Variants in MELK observed in about 807,000 individuals in gnomAD.
The protein encoded by MELK is pEg3 kinase.
A neutral mutation model predicts 85.0 loss-of-function variants in MELK; 81 were observed. The observed-to-expected ratio is 0.95, with a 90% CI of 0.80 to 1.15. The LOEUF is 1.15. Among genes scored for constraint, MELK ranks in the 50% most tolerant of loss-of-function variants. The probability of loss-of-function intolerance (pLI) is 0.00; values close to 1 mark genes in which losing one functional copy is unlikely to be tolerated. For synonymous variants in MELK, 252 were observed against 265.0 expected (o/e 0.95, Z 0.48); for missense variants, 754 against 777.5 (o/e 0.97, Z 0.36).
chr9:36,659,537 G>A (rs932574143), intron 13 of MELK, among the ~76,000 whole-genome samples: 7 of 152,196 alleles, frequency 4.6e-5, no homozygotes, highest in African/African-American at 1.7e-4. Context: ...GGTGGTCCAT[G>A]AGATTATAAT....
intron 8 of MELK, among the ~76,000 whole-genome samples, chr9:36,611,753 T>TATC (rs1407362003): frequency 5.0e-5 from 4 of 80,422 alleles, no homozygotes; most frequent in African/African-American, 4.9e-4. Flanking sequence ...TAAATGTAGC[T>TATC]ATTATTATTA....
At chr9:36,595,478 C>T (rs1014787477) in intron 5 of MELK, among the ~76,000 whole-genome samples, 8 of 152,030 alleles carry the variant, frequency 5.3e-5, no homozygotes, top group Admixed American at 1.3e-4. Flanking sequence ...GCTATTCTTT[C>T]GCCCTGGCCT....
intron 10 of MELK, among the ~76,000 whole-genome samples, chr9:36,636,361 G>C (rs1345320625): frequency 6.6e-6 from 1 of 151,994 alleles, no homozygotes; most frequent in Admixed American, 6.6e-5. Flanking sequence ...AATCAGCTGG[G>C]CGTGGTGGTG....
At chr9:36,654,027 A>G (rs1240369623) in intron 12 of MELK, among the ~76,000 whole-genome samples, 1 of 99,228 alleles carries the variant, frequency 1.0e-5, no homozygotes, top group Non-Finnish European at 2.2e-5. Flanking sequence ...GATATCCTGC[A>G]TGGTTTTCTA....
chr9:36,616,034 C>G (rs888929054), intron 8 of MELK, among the ~76,000 whole-genome samples: 3 of 152,120 alleles, frequency 2.0e-5, no homozygotes, highest in African/African-American at 7.2e-5. Context: ...CCCCGCGGGG[C>G]CCGTCCGCTC....
chr9:36,676,038 TG>T (rs917200699), intron 17 of MELK, among the ~76,000 whole-genome samples: 1 of 152,186 alleles, frequency 6.6e-6, no homozygotes, highest in African/African-American at 2.4e-5. Flanking sequence ...TATGAGCCTC[TG>T]GGCATACCTC....
intron 8 of MELK, among the ~76,000 whole-genome samples, chr9:36,625,895 CA>C (rs59221247): frequency 4.6e-4 from 64 of 138,266 alleles, no homozygotes; most frequent in South Asian, 4.6e-3. Context: ...GACTTCATCT[CA>C]AAAAAAAAAA....
chr9:36,619,566 A>G (rs1477209418), intron 8 of MELK, among the ~76,000 whole-genome samples: 2 of 152,210 alleles, frequency 1.3e-5, no homozygotes, highest in African/African-American at 4.8e-5. Flanking sequence ...AAAAGTCTCA[A>G]TAAAGATGTA....
intron 11 of MELK, among the ~76,000 whole-genome samples, chr9:36,646,720 T>A (rs950456480): frequency 2.0e-5 from 3 of 152,164 alleles, no homozygotes; most frequent in Admixed American, 2.0e-4. Flanking sequence ...ACCCCTGTGA[T>A]GTAAACACCC....
chr9:36,667,808 C>T (rs751357903), intron 14 of MELK, among the ~76,000 whole-genome samples: 2 of 152,064 alleles, frequency 1.3e-5, no homozygotes, highest in Admixed American at 6.6e-5. Flanking sequence ...ACTCTTGTTG[C>T]CCAGGCTGGA....
chr9:36,664,612 A>G (rs191809483), intron 13 of MELK, among the ~76,000 whole-genome samples: 13 of 152,352 alleles, frequency 8.5e-5, no homozygotes, highest in African/African-American at 2.4e-4. Context: ...CTCCCTCAGA[A>G]CCAAGACCAA....
At chr9:36,661,233 A>G (rs2137656680) in intron 13 of MELK, among the ~76,000 whole-genome samples, 1 of 152,288 alleles carries the variant, frequency 6.6e-6, no homozygotes, top group Non-Finnish European at 1.5e-5. Context: ...GCAAATTCAA[A>G]CACCTCAAAC....
intron 14 of MELK, among the ~76,000 whole-genome samples, chr9:36,667,458 G>A: frequency 6.6e-6 from 1 of 152,100 alleles, no homozygotes. Context: ...GCCCGGCCCA[G>A]GGCTTTTTTA....
chr9:36,635,667 C>G (rs1015129746), intron 10 of MELK, among the ~76,000 whole-genome samples: 1 of 152,086 alleles, frequency 6.6e-6, no homozygotes, highest in African/African-American at 2.4e-5. Context: ...TGGAGACTCT[C>G]AGGCATCTGC....
chr9:36,596,590 G>GT lies in MELK; in HGVS notation c.406-619dup, dbSNP rs34969370. Among the ~76,000 whole-genome samples, 122 of 91,280 alleles carry GT rather than the reference G, an allele frequency of 1.3e-3. 3 individuals are homozygous for GT. Among genetic ancestry groups the GT allele is most frequent in the East Asian group, 7.1e-3 (25 of 3,512 alleles). The allele number at this position is 91,280 out of a possible 152,430, so 59.9% of individuals were successfully genotyped here. On this transcript the variant is annotated intron_variant, in intron 5 of 17. Transcript: ENST00000298048. ...TTTTTTTGTTTTTTTTGTTTTTTTT[G>GT]TTTTTTTTTTTTTGAGATGGAGTTT...
In MELK at chr9:36,651,856, T is replaced by C. The variant is rs1442781590; in HGVS notation, c.1032T>C (p.Ala344=). 1 of 1,613,868 alleles carries C rather than the reference T, an allele frequency of 6.2e-7. No homozygotes were observed. Among genetic ancestry groups the C allele is most frequent in the African/African-American group, 1.3e-5 (1 of 75,008 alleles). The change falls in exon 12 of 18, where the codon GCT becomes GCC. Residue 344 remains alanine, a synonymous_variant. Transcript: ENST00000298048. ...LSSFSCGQAS[A]TPFTDIKSNN... Reference sequence around the variant, plus strand: ...CTTTCTCCTGTGGACAAGCCAGTGCTACCCCATTCACAGACATCAAGGTAA... The same window carrying C: ...CTTTCTCCTGTGGACAAGCCAGTGCCACCCCATTCACAGACATCAAGGTAA...
At chr9:36,665,750 A>G (rs1316330724) in intron 14 of MELK, among the ~76,000 whole-genome samples, 169 bp downstream of exon 14, 1 of 152,228 alleles carries the variant, frequency 6.6e-6, no homozygotes, top group Non-Finnish European at 1.5e-5. Flanking sequence ...ATATTTGTCA[A>G]TTTCAATTTA....
At chr9:36,666,685 C>T (rs185857428) in intron 14 of MELK, among the ~76,000 whole-genome samples, 1 of 152,230 alleles carries the variant, frequency 6.6e-6, no homozygotes, top group East Asian at 1.9e-4. Context: ...GAGCTCATAG[C>T]CAGTTTGAGG....
At chr9:36,675,829 G>A (rs1833295798) in intron 17 of MELK, among the ~76,000 whole-genome samples, 1 of 152,182 alleles carries the variant, frequency 6.6e-6, no homozygotes, top group Non-Finnish European at 1.5e-5. Context: ...AACCAGAAGA[G>A]ACATGCATGG....
Sources: gnomAD v4.1 joint callset for allele counts (sites outside exome capture counted in the v4.1 genomes callset) on GRCh38, gnomAD v4.1.1 for gene constraint, MANE v1.5 for transcripts, NCBI Gene and HGNC (gene_info 2026-07-23, HGNC 2026-07-21) for gene names.